TGFBR3: variants seen among roughly 807,000 people sequenced by gnomAD.
TGFBR3 encodes transforming growth factor beta receptor 3.
TGFBR3 carries 46 observed loss-of-function variants against 87.9 expected under a neutral mutation model. The observed-to-expected ratio is 0.52, with a 90% CI of 0.41 to 0.67. The LOEUF (loss-of-function observed/expected upper bound fraction) is 0.67. Among genes scored for constraint, TGFBR3 ranks in the 30% least tolerant of loss-of-function variants. The pLI is 0.00. For missense variants in TGFBR3, 866 were observed against 1,041.9 expected (o/e 0.83, Z 2.32); for synonymous variants, 381 against 391.6 (o/e 0.97, Z 0.32).
rs148643540 is a variant in TGFBR3, at chr1:91,768,349, G to A, written c.247-9599C>T. The stretch of plus-strand genomic sequence containing the variant: ...CATATAAACTATCTCAGAGCATGGG[G>A]TGGGACTTGTATTTTTATCACCTTA... On this transcript the variant is annotated intron_variant, in intron 3 of 16. Coordinates refer to ENST00000212355, the MANE Select transcript of TGFBR3 (RefSeq NM_003243.5). Among the ~76,000 whole-genome samples, 32 of 152,308 alleles carry A rather than the reference G, an allele frequency of 2.1e-4. No homozygotes were observed. The South Asian group carries it at 3.5e-3, about 17-fold the overall frequency.
At chr1:91,755,919 C>T (rs1557694439) in intron 4 of TGFBR3, among the ~76,000 whole-genome samples, 3 of 152,130 alleles carry the variant, frequency 2.0e-5, no homozygotes, top group Admixed American at 2.0e-4. Context: ...ATTCAACACC[C>T]GTCCCACATG....
chr1:91,744,086 CTTTTT>C (rs144888223), intron 4 of TGFBR3, among the ~76,000 whole-genome samples: 3 of 135,914 alleles, frequency 2.2e-5, no homozygotes, highest in African/African-American at 2.7e-5. Context: ...ATTTTACTTA[CTTTTT>C]TTTTTTTTTT....
At chr1:91,809,645 T>G (rs1387526732) in intron 2 of TGFBR3, among the ~76,000 whole-genome samples, 1 of 152,232 alleles carries the variant, frequency 6.6e-6, no homozygotes. Flanking sequence ...ACATTTACTT[T>G]AAGGAGTTTA....
At chr1:91,775,324 C>T (rs532881628) in intron 3 of TGFBR3, among the ~76,000 whole-genome samples, 4 of 152,340 alleles carry the variant, frequency 2.6e-5, no homozygotes, top group East Asian at 1.9e-4. Flanking sequence ...AATGACCAAT[C>T]GCACCTCCCA....
At chr1:91,744,131 C>T in intron 4 of TGFBR3, among the ~76,000 whole-genome samples, 1 of 147,194 alleles carries the variant, frequency 6.8e-6, no homozygotes, top group Non-Finnish European at 1.5e-5. Context: ...ATCACCCAGG[C>T]TGGAGTGTAG....
chr1:91,736,148 T>G (rs1401621764), intron 4 of TGFBR3, among the ~76,000 whole-genome samples: 1 of 152,018 alleles, frequency 6.6e-6, no homozygotes, highest in Non-Finnish European at 1.5e-5. Context: ...TTCAATTAAT[T>G]GATTCCATGA....
chr1:91,746,568 T>C (rs765151147), intron 4 of TGFBR3, among the ~76,000 whole-genome samples: 1 of 152,202 alleles, frequency 6.6e-6, no homozygotes, highest in Non-Finnish European at 1.5e-5. Context: ...CTTTATCTAA[T>C]TTTGTCCTCC....
chr1:91,730,221 C>T (rs79702330), intron 5 of TGFBR3, among the ~76,000 whole-genome samples: 2 of 152,284 alleles, frequency 1.3e-5, no homozygotes, highest in East Asian at 3.9e-4. Context: ...CTTGCATGTT[C>T]TCTGTGATAC....
At position 91,708,434 on chromosome 1, in the gene TGFBR3, CT is replaced by C. The variant is rs17882522; in HGVS notation, c.2287+228del. 3.4e-3 allele frequency among the ~76,000 whole-genome samples: 518 copies of C among 152,216 alleles called. 1 individual carries two copies. The highest frequency in any genetic ancestry group is 5.5e-3 in the Non-Finnish European group (376 of 68,020). On this transcript the variant is annotated intron_variant, in intron 14 of 16. Coordinates refer to ENST00000212355, the MANE Select transcript of TGFBR3 (RefSeq NM_003243.5). Reference sequence around the variant, plus strand: ...TGACAGGAACAACCTAGACCTGATTCTTTTTACAGAGGAAATCATTTTCAAA... The same window carrying C: ...TGACAGGAACAACCTAGACCTGATTCTTTTACAGAGGAAATCATTTTCAAA...
chr1:91,683,582 C>CGGGT lies in TGFBR3; in HGVS notation c.*153_*156dup. 1.4e-6 allele frequency: 1 copy of CGGGT among 711,384 alleles called. No homozygotes were observed. Among genetic ancestry groups the CGGGT allele is most frequent in the Non-Finnish European group, 2.5e-6 (1 of 397,192 alleles). The allele number at this position is 711,384 out of a possible 1,614,324, so 44.1% of individuals were successfully genotyped here. A position where few individuals can be genotyped will look rare whatever the true frequency, so the allele number is the denominator to read the frequency against. On this transcript the variant is annotated 3_prime_UTR_variant, in exon 17 of 17. Transcript: ENST00000212355. ...AGCCCTGGGTGTGGGGTGAATACAA[C>CGGGT]GGGTGATCTTTATACTGAAATTCAC... is the stretch of plus-strand genomic sequence containing the variant.
chr1:91,854,308 G>A (rs1374654506), intron 2 of TGFBR3, among the ~76,000 whole-genome samples: 1 of 152,086 alleles, frequency 6.6e-6, no homozygotes, highest in Non-Finnish European at 1.5e-5. Context: ...GGGCCATGGA[G>A]CTGGTGCCAG....
At position 91,748,867 on chromosome 1, in the gene TGFBR3, CAA is replaced by C. The variant is rs774366408; in HGVS notation, c.384+9744_384+9745del. On this transcript the variant is annotated intron_variant, in intron 4 of 16. Coordinates refer to ENST00000212355, the MANE Select transcript of TGFBR3 (RefSeq NM_003243.5). ...TTGTCTCAGTTTCCTCATCTTAAAA[CAA>C]AGACAACAAAAGCACCTACTTCACA... Among the ~76,000 whole-genome samples, 15 of 152,188 alleles carry C rather than the reference CAA, an allele frequency of 9.9e-5. No homozygotes were observed. The East Asian group carries it at 1.2e-3, about 12-fold the overall frequency.
intron 3 of TGFBR3, among the ~76,000 whole-genome samples, chr1:91,789,872 A>T (rs1675124527): frequency 6.6e-6 from 1 of 152,162 alleles, no homozygotes; most frequent in Non-Finnish European, 1.5e-5. Flanking sequence ...CCTTCACACG[A>T]CCTAGCAGGG....
At chr1:91,752,526 CTTTT>C (rs1673582293) in intron 4 of TGFBR3, among the ~76,000 whole-genome samples, 1 of 152,098 alleles carries the variant, frequency 6.6e-6, no homozygotes, top group Non-Finnish European at 1.5e-5. Flanking sequence ...CTTAGATACC[CTTTT>C]TTCCTTATGA....
At chr1:91,842,495 A>G (rs1310699260) in intron 2 of TGFBR3, among the ~76,000 whole-genome samples, 1 of 152,206 alleles carries the variant, frequency 6.6e-6, no homozygotes, top group Non-Finnish European at 1.5e-5. Context: ...CTTCCAGTTA[A>G]AGACCAAGTC....
chr1:91,724,865 T>C (rs1446646446), intron 7 of TGFBR3, among the ~76,000 whole-genome samples: 2 of 152,110 alleles, frequency 1.3e-5, no homozygotes, highest in African/African-American at 4.8e-5. Context: ...TCTGGACTGA[T>C]GGTATAGGGG....
chr1:91,702,198 C>T (rs1436117406), intron 14 of TGFBR3, among the ~76,000 whole-genome samples: 1 of 152,190 alleles, frequency 6.6e-6, no homozygotes, highest in Non-Finnish European at 1.5e-5. Flanking sequence ...AGAAACTTTG[C>T]ACTAGGCTGT....
rs1480072985 is a variant in TGFBR3 at position 91,886,071 on chromosome 1, G to T, written c.-307C>A. Reference sequence around the variant, plus strand: ...CGGGAATCGCGCAGGGAAAGTGGCCGGGGCGCGAGAGCCGCCGACTGCCCT... The same window carrying T: ...CGGGAATCGCGCAGGGAAAGTGGCCTGGGCGCGAGAGCCGCCGACTGCCCT... On this transcript the variant is annotated 5_prime_UTR_variant, in exon 1 of 17. Transcript: ENST00000212355. The T allele has an allele frequency of 6.6e-6, 3 of 453,956 alleles. No individual in the cohort carries two copies. The highest frequency in any genetic ancestry group is 1.3e-5 in the Non-Finnish European group (3 of 226,778). 28.1% of individuals were successfully genotyped at this position (453,956 alleles called of 1,614,324 possible). A position where few individuals can be genotyped will look rare whatever the true frequency, so the allele number is the denominator to read the frequency against.
intron 2 of TGFBR3, among the ~76,000 whole-genome samples, chr1:91,893,965 C>A (rs1028871742): frequency 6.7e-6 from 1 of 150,008 alleles, no homozygotes; most frequent in East Asian, 2.0e-4. Context: ...CGCGGTGGCT[C>A]ACACCTGTAA....
Sources: gnomAD v4.1 joint callset for allele counts (sites outside exome capture counted in the v4.1 genomes callset) on GRCh38, gnomAD v4.1.1 for gene constraint, MANE v1.5 for transcripts, NCBI Gene and HGNC (gene_info 2026-07-23, HGNC 2026-07-21) for gene names.